Variants in CDH4 observed in about 807,000 individuals in gnomAD.
CDH4 encodes cadherin 4.
Under a neutral mutation model 86.0 loss-of-function variants are expected in CDH4, and 33 were observed. The observed-to-expected ratio is 0.38, with a 90% CI of 0.29 to 0.51. CDH4 has a LOEUF of 0.51. Among genes scored for constraint, CDH4 ranks in the 20% least tolerant of loss-of-function variants. The pLI, the probability that CDH4 is intolerant of heterozygous loss-of-function variation, is 0.86. For missense variants in CDH4, 1,114 were observed against 1,307.4 expected, an observed-to-expected ratio of 0.85 and a Z score of 2.28; for synonymous variants, 555 against 549.4, an observed-to-expected ratio of 1.01 and a Z score of -0.14.
At chr20:61,704,758 G>A (rs915603454) in intron 2 of CDH4, among the ~76,000 whole-genome samples, 2 of 152,314 alleles carry the variant, frequency 1.3e-5, no homozygotes, top group South Asian at 2.1e-4. Flanking sequence ...ATCATCATGG[G>A]CATTAAATGG....
At chr20:61,891,775 C>T (rs1052439532) in intron 7 of CDH4, among the ~76,000 whole-genome samples, 5 of 152,210 alleles carry the variant, frequency 3.3e-5, no homozygotes, top group African/African-American at 7.2e-5. Context: ...TCCCACCTCC[C>T]GGGTCCAACC....
intron 3 of CDH4, among the ~76,000 whole-genome samples, chr20:61,744,633 C>A (rs1401777971): frequency 1.3e-5 from 2 of 151,988 alleles, no homozygotes; most frequent in Non-Finnish European, 2.9e-5. Flanking sequence ...CATAAAACAT[C>A]TGCTGTTCAG....
rs112940306 is a variant in CDH4 at position 61,739,460 on chromosome 20, G to A, written c.170-4103G>A. On this transcript the variant is annotated intron_variant, in intron 2 of 15. Transcript: ENST00000614565. ...GGGAGGACATGGGAATCCCAGGTACGAAGCCAGGGAATGAAACAAAAACAG... is the reference window on the plus strand; with the variant it reads ...GGGAGGACATGGGAATCCCAGGTACAAAGCCAGGGAATGAAACAAAAACAG... 1.6e-3 allele frequency among the ~76,000 whole-genome samples: 249 copies of A among 152,330 alleles called. 3 individuals carry two copies. The highest frequency in any genetic ancestry group is 5.0e-3 in the African/African-American group (208 of 41,590).
intron 2 of CDH4, among the ~76,000 whole-genome samples, chr20:61,629,419 A>C (rs2086863566): frequency 6.6e-6 from 1 of 151,968 alleles, no homozygotes; most frequent in Non-Finnish European, 1.5e-5. Flanking sequence ...AAGAGCTTGG[A>C]CTCCAAAGGT....
chr20:61,573,307 C>T (rs2086358361), intron 2 of CDH4, among the ~76,000 whole-genome samples: 1 of 152,256 alleles, frequency 6.6e-6, no homozygotes, highest in South Asian at 2.1e-4. Context: ...AACGACTGCA[C>T]AGTCCCTGGC....
At chr20:61,652,650 T>C (rs982796157) in intron 2 of CDH4, among the ~76,000 whole-genome samples, 1 of 152,120 alleles carries the variant, frequency 6.6e-6, no homozygotes, top group African/African-American at 2.4e-5. Flanking sequence ...CCATATCATC[T>C]TCAGAAAAAC....
chr20:61,508,045 T>G (rs1302022250), intron 2 of CDH4, among the ~76,000 whole-genome samples: 1 of 152,124 alleles, frequency 6.6e-6, no homozygotes, highest in Non-Finnish European at 1.5e-5. Context: ...TCGTGCAGAG[T>G]GAGACCATGC....
At chr20:61,890,117 A>G (rs1480952070) in intron 7 of CDH4, among the ~76,000 whole-genome samples, 1 of 145,892 alleles carries the variant, frequency 6.9e-6, no homozygotes, top group Non-Finnish European at 1.5e-5. Flanking sequence ...TGGATTATGC[A>G]TCATGGATGG....
intron 2 of CDH4, among the ~76,000 whole-genome samples, chr20:61,646,443 G>A (rs528801290): frequency 3.0e-4 from 45 of 152,328 alleles, no homozygotes; most frequent in African/African-American, 9.1e-4. Context: ...ATCACCGGCT[G>A]TGGGCATGGG....
chr20:61,858,974 G>A (rs992015379), intron 6 of CDH4, among the ~76,000 whole-genome samples: 1 of 151,650 alleles, frequency 6.6e-6, no homozygotes, highest in Non-Finnish European at 1.5e-5. Flanking sequence ...TTTGTTTTGT[G>A]GGGAACTTCC....
intron 2 of CDH4, chr20:61,717,482 T>TTTG (rs1471853446): frequency 1.3e-5 from 2 of 152,250 alleles, no homozygotes; most frequent in African/African-American, 4.8e-5. Context: ...GTCGTTGTTT[T>TTTG]TTTGTTTGTT....
chr20:61,706,996 T>C (rs1297436186), intron 2 of CDH4, among the ~76,000 whole-genome samples: 1 of 152,236 alleles, frequency 6.6e-6, no homozygotes, highest in Non-Finnish European at 1.5e-5. Context: ...CAGGTGGGTC[T>C]GCCTGCAAGC....
intron 2 of CDH4, among the ~76,000 whole-genome samples, chr20:61,498,963 TC>T (rs1490702318): frequency 6.6e-6 from 1 of 152,140 alleles, no homozygotes; most frequent in Admixed American, 6.5e-5. Context: ...TGAGTCTCCT[TC>T]CAGTAGAGGA....
chr20:61,390,219 G>A (rs2084975004), intron 2 of CDH4, among the ~76,000 whole-genome samples: 1 of 146,268 alleles, frequency 6.8e-6, no homozygotes, highest in African/African-American at 2.5e-5. Flanking sequence ...GTCATAGGGT[G>A]CCCATAGCAC....
rs765064645 is a variant in CDH4 at position 61,807,803 on chromosome 20, G to A, written c.576+34621G>A. Among the ~76,000 whole-genome samples, 8 of 152,192 alleles carry A rather than the reference G, an allele frequency of 5.3e-5. No homozygotes were observed. The highest frequency in any genetic ancestry group is 2.1e-4 in the South Asian group (1 of 4,834). ...AATATAGGAAGGGAAGTGATAGGAC[G>A]TCTCTGCACACAGCACATATCCATG... is the stretch of plus-strand genomic sequence containing the variant. On this transcript the variant is annotated intron_variant, in intron 4 of 15. Coordinates refer to ENST00000614565, the MANE Select transcript of CDH4 (RefSeq NM_001794.5). The surrounding 1 kb of genome is among the most constrained non-coding windows in gnomAD (Gnocchi z 4.5).
chr20:61,359,404 G>A (rs1392133434), intron 2 of CDH4, among the ~76,000 whole-genome samples: 1 of 152,182 alleles, frequency 6.6e-6, no homozygotes, highest in Non-Finnish European at 1.5e-5. Context: ...ACAGAGGACT[G>A]GGCACCAGGC....
chr20:61,923,542 A>G lies in CDH4; in HGVS notation c.1466A>G (p.Gln489Arg), dbSNP rs2122973206. The G allele has an allele frequency of 6.2e-7, 1 of 1,614,186 alleles. No homozygotes were observed. The highest frequency in any genetic ancestry group is 2.2e-5 in the East Asian group (1 of 44,876). The change falls in exon 10 of 16, where the codon CAG becomes CGG. Residue 489 changes from glutamine to arginine, a missense_variant. Physicochemically the swap from Gln to Arg is conservative, Grantham distance 43. Transcript: ENST00000614565. The part of the protein sequence containing the change: ...PLASGIQMSF[Q>R]STAGVTISIM... The stretch of plus-strand genomic sequence containing the variant: ...GCCAGCGGAATCCAGATGTCCTTCC[A>G]GTCCACGGCAGGGGTGACCATCTCC...
chr20:61,912,184 ACACCTGTT>A (rs1213026786), intron 9 of CDH4, among the ~76,000 whole-genome samples: 2 of 152,208 alleles, frequency 1.3e-5, no homozygotes, highest in Non-Finnish European at 2.9e-5. Flanking sequence ...CCTTCCCAGA[ACACCTGTT>A]CACATCTTCT....
intron 2 of CDH4, among the ~76,000 whole-genome samples, chr20:61,666,658 C>T (rs1322129487): frequency 6.6e-6 from 1 of 152,184 alleles, no homozygotes; most frequent in African/African-American, 2.4e-5. Context: ...ACTAGGGACT[C>T]CAGGAGGGAT....
Sources: allele counts gnomAD v4.1 joint callset (sites outside exome capture counted in the v4.1 genomes callset), GRCh38; gene constraint gnomAD v4.1.1; non-coding constraint Gnocchi (gnomAD v3.1); transcripts MANE v1.5; gene names NCBI Gene and HGNC (gene_info 2026-07-23, HGNC 2026-07-21).